NCOA3: variants seen among roughly 807,000 people sequenced by gnomAD.
NCOA3 encodes CBP-interacting protein.
NCOA3 carries 51 observed loss-of-function variants against 158.8 expected under a neutral mutation model. That is an observed-to-expected ratio of 0.32 (90% CI 0.26 to 0.41). The LOEUF (loss-of-function observed/expected upper bound fraction) is 0.41, where lower values mean the gene tolerates loss of function less well. Ranked by LOEUF, NCOA3 falls within the 10% of genes least tolerant of loss-of-function variation. The pLI, the probability that NCOA3 is intolerant of heterozygous loss-of-function variation, is 1.00. For missense variants in NCOA3, 1,510 were observed against 1,746.6 expected, an observed-to-expected ratio of 0.86 and a Z score of 2.41; for synonymous variants, 537 against 592.4, an observed-to-expected ratio of 0.91 and a Z score of 1.36.
intron 1 of NCOA3, among the ~76,000 whole-genome samples, chr20:47,542,477 AT>A (rs2084760721): frequency 6.6e-6 from 1 of 151,968 alleles, no homozygotes; most frequent in Admixed American, 6.6e-5. Flanking sequence ...TGGTTCAGTT[AT>A]TTTTTACAAG....
intron 1 of NCOA3, among the ~76,000 whole-genome samples, chr20:47,572,316 C>T (rs990730274): frequency 6.6e-6 from 1 of 151,950 alleles, no homozygotes; most frequent in Non-Finnish European, 1.5e-5. Context: ...GTAGGGGGAT[C>T]GCTTGAACAG....
rs2086557963 is a variant in NCOA3 at position 47,638,823 on chromosome 20, G to A, written c.2513-185G>A. Among the ~76,000 whole-genome samples the A allele has an allele frequency of 2.1e-5, 3 of 141,668 alleles. No homozygotes were observed. In the Admixed American group the frequency reaches 2.1e-4, roughly 10 times the overall value. The allele number at this position is 141,668 out of a possible 152,430, so 92.9% of individuals were successfully genotyped here. A position where few individuals can be genotyped will look rare whatever the true frequency, so the allele number is the denominator to read the frequency against. Reference sequence around the variant, plus strand: ...GGAATATGAGACCCTTTTTTGGCTGGCAGGGGGGCGGGGGGTGGCGGTGGT... The same window carrying A: ...GGAATATGAGACCCTTTTTTGGCTGACAGGGGGGCGGGGGGTGGCGGTGGT... On this transcript the variant is annotated intron_variant, in intron 13 of 22. Coordinates refer to ENST00000371998, the MANE Select transcript of NCOA3 (RefSeq NM_181659.3).
chr20:47,652,776 C>T (rs1241039487), intron 21 of NCOA3, among the ~76,000 whole-genome samples, 155 bp from the exon 22 acceptor site: 2 of 152,216 alleles, frequency 1.3e-5, no homozygotes, highest in Non-Finnish European at 2.9e-5. Context: ...GTACAGAAAG[C>T]TGTGAAAAAT....
At chr20:47,610,871 A>G (rs2086031575) in intron 2 of NCOA3, among the ~76,000 whole-genome samples, 1 of 152,292 alleles carries the variant, frequency 6.6e-6, no homozygotes, top group African/African-American at 2.4e-5. Context: ...TGTAGCCTCT[A>G]TTTTTGATAT....
chr20:47,644,375 A>ATCCCCTGACCTCG (rs2086656804), intron 17 of NCOA3, among the ~76,000 whole-genome samples: 1 of 151,864 alleles, frequency 6.6e-6, no homozygotes, highest in African/African-American at 2.4e-5. Flanking sequence ...CCCTGACCTC[A>ATCCCCTGACCTCG]TGATCCACCC....
chr20:47,633,535 C>T lies in NCOA3; in HGVS notation c.863C>T (p.Ser288Phe). 1 of 1,613,472 alleles carries T rather than the reference C, an allele frequency of 6.2e-7. No individual in the cohort carries two copies. Among genetic ancestry groups the T allele is most frequent in the Non-Finnish European group, 8.5e-7 (1 of 1,179,604 alleles). The change falls in exon 9 of 23, where the codon TCC (serine) becomes TTC (phenylalanine). Residue 288 changes from serine to phenylalanine, a missense_variant. This residue lies in a region of NCOA3 where 309 missense variants were observed against 427.1 expected (regional missense o/e 0.72). Transcript: ENST00000371998. The stretch of plus-strand genomic sequence containing the variant: ...ATAGATACAAATTCACTGAGATCCT[C>T]CATGAGGCCTGGCTTTGAAGATATA... ...VNIDTNSLRS[S>F]MRPGFEDIIR...
At chr20:47,576,764 C>T (rs1262641274) in intron 1 of NCOA3, among the ~76,000 whole-genome samples, 1 of 152,242 alleles carries the variant, frequency 6.6e-6, no homozygotes. Context: ...ATTGAAACCA[C>T]TGTAAACTTT....
chr20:47,545,878 T>C (rs891371351), intron 1 of NCOA3, among the ~76,000 whole-genome samples: 3 of 151,938 alleles, frequency 2.0e-5, no homozygotes, highest in Non-Finnish European at 2.9e-5. Flanking sequence ...TCATGCCTGG[T>C]TAATTTTTGT....
At chr20:47,558,597 C>G (rs2085050315) in intron 1 of NCOA3, among the ~76,000 whole-genome samples, 1 of 152,150 alleles carries the variant, frequency 6.6e-6, no homozygotes, top group African/African-American at 2.4e-5. Flanking sequence ...AAAGAAGTCA[C>G]AAGCCGTCTT....
intron 18 of NCOA3, among the ~76,000 whole-genome samples, chr20:47,647,866 T>G (rs945598112): frequency 6.6e-6 from 1 of 151,732 alleles, no homozygotes; most frequent in Non-Finnish European, 1.5e-5. Context: ...TCAAACCATA[T>G]AAGTAGATGA....
intron 1 of NCOA3, among the ~76,000 whole-genome samples, chr20:47,529,218 G>A (rs946837009): frequency 2.0e-5 from 3 of 150,866 alleles, no homozygotes; most frequent in African/African-American, 7.3e-5. Context: ...TACCTTTTGG[G>A]TTCAAGCGAT....
chr20:47,501,908 T>A lies in NCOA3; in HGVS notation c.-210T>A. 2.5e-6 allele frequency: 1 copy of A among 400,362 alleles called. No homozygotes were observed. Among genetic ancestry groups the A allele is most frequent in the Non-Finnish European group, 4.4e-6 (1 of 227,264 alleles). The allele number at this position is 400,362 out of a possible 1,614,324, so 24.8% of individuals were successfully genotyped here. A position where few individuals can be genotyped will look rare whatever the true frequency, so the allele number is the denominator to read the frequency against. ...CTTTAGCTGCTGCTGTCTCAGCCGCTCCACAGCGACGGCAGCGGCTGCGGC... is the reference window on the plus strand; with the variant it reads ...CTTTAGCTGCTGCTGTCTCAGCCGCACCACAGCGACGGCAGCGGCTGCGGC... On this transcript the variant is annotated 5_prime_UTR_variant, in exon 1 of 23. Transcript: ENST00000371998.
At chr20:47,644,289 G>A (rs1177512089) in intron 17 of NCOA3, among the ~76,000 whole-genome samples, 8 of 151,712 alleles carry the variant, frequency 5.3e-5, no homozygotes, top group Non-Finnish European at 1.2e-4. Flanking sequence ...ACAGGTGCCC[G>A]CCACCACACC....
intron 1 of NCOA3, among the ~76,000 whole-genome samples, chr20:47,522,599 T>C (rs931533592): frequency 6.6e-6 from 1 of 152,006 alleles, no homozygotes; most frequent in African/African-American, 2.4e-5. Flanking sequence ...TTGATTTGCA[T>C]AGGGCTCGGG....
intron 2 of NCOA3, among the ~76,000 whole-genome samples, chr20:47,592,253 C>T (rs1469250078): frequency 6.6e-6 from 1 of 152,134 alleles, no homozygotes; most frequent in African/African-American, 2.4e-5. Flanking sequence ...CCATGTTGGC[C>T]AGGCTGGTCT....
At chr20:47,601,612 CAT>C (rs2085864771) in intron 2 of NCOA3, among the ~76,000 whole-genome samples, 1 of 152,200 alleles carries the variant, frequency 6.6e-6, no homozygotes, top group Non-Finnish European at 1.5e-5. Context: ...GAGCCTATCT[CAT>C]GTGCCAAACT....
chr20:47,525,936 G>T (rs1355168654), intron 1 of NCOA3, among the ~76,000 whole-genome samples: 1 of 150,626 alleles, frequency 6.6e-6, no homozygotes, highest in Non-Finnish European at 1.5e-5. Flanking sequence ...GCCGGGCGGG[G>T]GGCTGACCCC....
chr20:47,637,487 T>C (rs890302411), intron 12 of NCOA3, among the ~76,000 whole-genome samples, 161 bp from the exon 13 acceptor site: 6 of 152,152 alleles, frequency 3.9e-5, no homozygotes, highest in African/African-American at 1.4e-4. Flanking sequence ...AGATTAGAGA[T>C]GGGGGTCATA....
intron 2 of NCOA3, among the ~76,000 whole-genome samples, chr20:47,610,465 T>C (rs918512941): frequency 5.3e-5 from 8 of 152,154 alleles, no homozygotes; most frequent in African/African-American, 1.9e-4. Flanking sequence ...AGCAATCCTC[T>C]TGCCCCAGCC....
Sources: allele counts gnomAD v4.1 joint callset (sites outside exome capture counted in the v4.1 genomes callset), GRCh38; gene constraint gnomAD v4.1.1; regional missense constraint gnomAD v4.1.1; transcripts MANE v1.5; gene names NCBI Gene and HGNC (gene_info 2026-07-23, HGNC 2026-07-21).